Variants in CRTC3 observed in about 807,000 individuals in gnomAD.
CRTC3 encodes the protein CREB-regulated transcription coactivator 3.
A neutral mutation model predicts 74.5 loss-of-function variants in CRTC3; 26 were observed. The observed-to-expected ratio is 0.35, with a 90% CI of 0.26 to 0.48. CRTC3 has a LOEUF of 0.48. Among genes scored for constraint, CRTC3 ranks in the 20% least tolerant of loss-of-function variants. The pLI is 0.99. For missense variants in CRTC3, 760 were observed against 787.3 expected (o/e 0.97, Z 0.41); for synonymous variants, 377 against 325.8 (o/e 1.16, Z -1.69).
intron 4 of CRTC3, among the ~76,000 whole-genome samples, chr15:90,603,621 C>T (rs1056165359): frequency 2.6e-5 from 4 of 152,156 alleles, no homozygotes; most frequent in African/African-American, 9.7e-5. Context: ...GAAAAAGCCC[C>T]TGCTGCATCT....
chr15:90,579,307 T>A (rs1596097880), intron 2 of CRTC3, among the ~76,000 whole-genome samples: 1 of 152,160 alleles, frequency 6.6e-6, no homozygotes, highest in East Asian at 1.9e-4. Flanking sequence ...CCAATCCCCC[T>A]GCGTACTGAG....
chr15:90,542,592 A>G (rs181398631), intron 2 of CRTC3, among the ~76,000 whole-genome samples: 1 of 152,314 alleles, frequency 6.6e-6, no homozygotes, highest in East Asian at 1.9e-4. Context: ...TAACCAAAAT[A>G]CAGCCATCAA....
At chr15:90,633,195 G>A (rs567032092) in intron 11 of CRTC3, among the ~76,000 whole-genome samples, 1 of 152,122 alleles carries the variant, frequency 6.6e-6, no homozygotes. Flanking sequence ...TTCCTCTTGG[G>A]AGTTAATAAA....
Position 90,604,388 on chromosome 15 carries a change from G to A in CRTC3, c.417G>A (p.Gln139=). 1 of 1,613,636 alleles carries A rather than the reference G, an allele frequency of 6.2e-7. No individual in the cohort carries two copies. Among genetic ancestry groups the A allele is most frequent in the Non-Finnish European group, 8.5e-7 (1 of 1,179,564 alleles). The change falls in exon 5 of 15, where the codon CAG becomes CAA. Residue 139 remains glutamine (Q), a synonymous_variant. Transcript: ENST00000268184. ...SQPLDESWPR[Q]QPPWKDEKHP... is the part of the protein sequence containing the mutation. ...TATGTTGTTCTGGTTTTTAAAGGCA[G>A]CAGCCTCCTTGGAAAGACGAAAAGC... is the stretch of plus-strand genomic sequence containing the variant.
In CRTC3 at chr15:90,642,039, A is replaced by G. The variant is rs762063151; in HGVS notation, c.1759A>G (p.Ile587Val). The G allele has an allele frequency of 1.4e-5, 22 of 1,614,012 alleles. No homozygotes were observed. Among genetic ancestry groups the G allele is most frequent in the Non-Finnish European group, 1.8e-5 (21 of 1,180,028 alleles). ...TPFPLEEELQ[I>V]EPLSLDGLNM... Reference sequence around the variant, plus strand: ...ATTTCCACTGGAAGAGGAGCTGCAGATTGAACCCCTGAGCCTGGACGGACT... The same window carrying G: ...ATTTCCACTGGAAGAGGAGCTGCAGGTTGAACCCCTGAGCCTGGACGGACT... Residue 587 changes from isoleucine to valine, a missense_variant, in exon 15 of 15, where the codon ATT (isoleucine) becomes GTT (valine). Ile to Val is a conservative substitution (Grantham distance 29). Transcript: ENST00000268184.
At chr15:90,594,349 T>G (rs560229523) in intron 3 of CRTC3, 1 of 152,410 alleles carries the variant, frequency 6.6e-6, no homozygotes, top group South Asian at 2.1e-4. Context: ...ACAGTTTCAT[T>G]TAATCAGTCC....
Position 90,536,060 on chromosome 15 carries a change from A to C in CRTC3, c.133-3979A>C, listed in dbSNP as rs144187119. On this transcript the variant is annotated intron_variant, in intron 1 of 14. Coordinates refer to ENST00000268184, the MANE Select transcript of CRTC3 (RefSeq NM_022769.5). The stretch of plus-strand genomic sequence containing the variant: ...TGAAAAGACTTTTCTTTGCCCATTG[A>C]ATTGCTGTGGCAATTTTGTTGCAAT... Among the ~76,000 whole-genome samples the C allele has an allele frequency of 3.4e-3, 519 of 152,268 alleles. 4 individuals are homozygous for C. The highest frequency in any genetic ancestry group is 0.012 in the African/African-American group (499 of 41,546).
rs907520719 is a variant in CRTC3, at chr15:90,642,372, C to G, written c.*232C>G. On this transcript the variant is annotated 3_prime_UTR_variant, in exon 15 of 15. Coordinates refer to ENST00000268184, the MANE Select transcript of CRTC3 (RefSeq NM_022769.5). ...CCAAAGTCGTGTTGCAGCAGGCAGG[C>G]TGCTTGGAGCTTCCCATGAACTGGA... 113 of 556,586 alleles carry G rather than the reference C, an allele frequency of 2.0e-4. No individual in the cohort carries two copies. The highest frequency in any genetic ancestry group is 8.3e-4 in the Admixed American group (27 of 32,396). The allele number at this position is 556,586 out of a possible 1,614,324, so 34.5% of individuals were successfully genotyped here.
At chr15:90,593,814 G>A (rs1406519961) in intron 3 of CRTC3, 59 bp downstream of exon 3, 6 of 1,527,028 alleles carry the variant, frequency 3.9e-6, no homozygotes, top group Non-Finnish European at 5.4e-6. Flanking sequence ...AAAGTTTTCA[G>A]GATTTATCTT....
chr15:90,554,732 A>G (rs4566137), intron 2 of CRTC3, among the ~76,000 whole-genome samples: 128,397 of 152,164 alleles, frequency 0.84, 54,371 homozygotes, highest in Middle Eastern at 0.92. Flanking sequence ...GGATGAAATC[A>G]GATAATACGT....
chr15:90,634,284 T>A (rs1183497258), intron 11 of CRTC3, among the ~76,000 whole-genome samples: 1 of 152,088 alleles, frequency 6.6e-6, no homozygotes, highest in Non-Finnish European at 1.5e-5. Flanking sequence ...GGCTAATTTT[T>A]GTAATTTTTA....
chr15:90,638,292 T>G, intron 11 of CRTC3, 154 bp from the exon 12 acceptor site: 1 of 613,014 alleles, frequency 1.6e-6, no homozygotes, highest in Non-Finnish European at 2.9e-6. Context: ...AGATATACTT[T>G]GAAGGATGAG....
At chr15:90,585,371 CT>C (rs1967635691) in intron 2 of CRTC3, among the ~76,000 whole-genome samples, 1 of 152,148 alleles carries the variant, frequency 6.6e-6, no homozygotes, top group Non-Finnish European at 1.5e-5. Flanking sequence ...TCTCGAACTC[CT>C]GGGCTCAAGC....
chr15:90,541,898 C>A (rs181867641), intron 2 of CRTC3, among the ~76,000 whole-genome samples: 1 of 150,360 alleles, frequency 6.7e-6, no homozygotes, highest in Non-Finnish European at 1.5e-5. Context: ...CATTCTCCTG[C>A]CTCAGCCTCC....
intron 7 of CRTC3, among the ~76,000 whole-genome samples, chr15:90,616,486 C>G (rs1968497583): frequency 6.6e-6 from 1 of 152,178 alleles, no homozygotes; most frequent in South Asian, 2.1e-4. Context: ...TGACTTCTTT[C>G]TGGGGTCCAT....
chr15:90,551,364 C>T (rs78903803), intron 2 of CRTC3, among the ~76,000 whole-genome samples: 3 of 151,968 alleles, frequency 2.0e-5, no homozygotes, highest in South Asian at 2.1e-4. Flanking sequence ...TCCCCCTCAC[C>T]GCTGCTGTCC....
intron 5 of CRTC3, among the ~76,000 whole-genome samples, chr15:90,605,303 C>T (rs1450921114): frequency 6.6e-6 from 1 of 152,046 alleles, no homozygotes; most frequent in Non-Finnish European, 1.5e-5. Flanking sequence ...TATACTCAAA[C>T]AGAAGAGTTA....
intron 2 of CRTC3, among the ~76,000 whole-genome samples, chr15:90,585,861 G>A (rs942672793): frequency 6.6e-6 from 1 of 152,152 alleles, no homozygotes; most frequent in Admixed American, 6.5e-5. Flanking sequence ...CAGAACTGGA[G>A]GGGTTCCTTT....
At chr15:90,540,312 T>C (rs1966782634) in intron 2 of CRTC3, among the ~76,000 whole-genome samples, 175 bp downstream of exon 2, 2 of 152,262 alleles carry the variant, frequency 1.3e-5, no homozygotes, top group Admixed American at 1.3e-4. Context: ...GATAGTGTTA[T>C]TTCACAAATG....
Sources: gnomAD v4.1 joint callset for allele counts (sites outside exome capture counted in the v4.1 genomes callset) on GRCh38, gnomAD v4.1.1 for gene constraint, MANE v1.5 for transcripts, NCBI Gene and HGNC (gene_info 2026-07-23, HGNC 2026-07-21) for gene names.